Variants in PPARG observed in about 807,000 individuals in gnomAD.
PPARG encodes the protein peroxisome proliferator-activated receptor gamma.
PPARG carries 17 observed loss-of-function variants against 39.2 expected under a neutral mutation model. The observed-to-expected ratio is 0.43, with a 90% confidence interval of 0.30 to 0.65. The LOEUF (loss-of-function observed/expected upper bound fraction) is 0.65. PPARG is among the 30% of genes least tolerant of loss of function. The pLI, the probability that PPARG is intolerant of heterozygous loss-of-function variation, is 0.13. For missense variants in PPARG, 406 were observed against 585.9 expected (o/e 0.69, Z 3.17); for synonymous variants, 223 against 215.7 (o/e 1.03, Z -0.30).
intron 1 of PPARG, among the ~76,000 whole-genome samples, chr3:12,308,878 G>A (rs2047150194): frequency 6.6e-6 from 1 of 152,100 alleles, no homozygotes; most frequent in South Asian, 2.1e-4. Flanking sequence ...TAGAAAGGTA[G>A]GTGACAAAAA....
At chr3:12,380,807 G>A (rs1393855758) in intron 3 of PPARG, among the ~76,000 whole-genome samples, 4 of 152,072 alleles carry the variant, frequency 2.6e-5, no homozygotes, top group Non-Finnish European at 5.9e-5. Flanking sequence ...CACCTCCTTT[G>A]ACTGAACACT....
In PPARG at chr3:12,379,724, G is replaced by C. The variant is rs1246297562; in HGVS notation, c.13G>C (p.Glu5Gln). 1.2e-6 allele frequency: 2 copies of C among 1,613,996 alleles called. No homozygotes were observed. Among genetic ancestry groups the C allele is most frequent in the Non-Finnish European group, 1.7e-6 (2 of 1,179,902 alleles). ...TTCAGAAATGACCATGGTTGACACA[G>C]AGATGCCATTCTGGCCCACCAACTT... is the stretch of plus-strand genomic sequence containing the variant. MVDT[E>Q]MPFWPTNFGI... is the part of the protein sequence containing the mutation. The change falls in exon 3 of 8, where the codon GAG becomes CAG. Residue 5 changes from glutamate (E) to glutamine (Q), a missense_variant. Glu to Gln is a conservative substitution (Grantham distance 29). Coordinates refer to ENST00000651735, the MANE Select transcript of PPARG (RefSeq NM_138711.6).
In PPARG at chr3:12,434,278, A is replaced by T. The variant is rs1012044457; in HGVS notation, c.*133A>T. 33 of 1,155,772 alleles carry T rather than the reference A, an allele frequency of 2.9e-5. No individual in the cohort carries two copies. The highest frequency in any genetic ancestry group is 2.9e-5 in the Non-Finnish European group (23 of 801,920). The allele number at this position is 1,155,772 out of a possible 1,614,324, so 71.6% of individuals were successfully genotyped here. On this transcript the variant is annotated 3_prime_UTR_variant, in exon 8 of 8. Transcript: ENST00000651735. This position sits in a 1 kb window ranked among gnomAD's most constrained non-coding sequence, Gnocchi z 4.2. ...AAGGTTTTAGAATATGATCTATTTTATGCATATTGTTTATAAAGACACATT... is the reference window on the plus strand; with the variant it reads ...AAGGTTTTAGAATATGATCTATTTTTTGCATATTGTTTATAAAGACACATT...
chr3:12,390,766 G>A (rs541233003), intron 4 of PPARG, among the ~76,000 whole-genome samples: 51 of 149,224 alleles, frequency 3.4e-4, no homozygotes, highest in African/African-American at 1.1e-3. Context: ...CATCTCAGCC[G>A]CCAGAGTAGT....
At chr3:12,384,577 A>G (rs1288127858) in intron 4 of PPARG, among the ~76,000 whole-genome samples, 1 of 152,176 alleles carries the variant, frequency 6.6e-6, no homozygotes, top group Non-Finnish European at 1.5e-5. Flanking sequence ...TTCAGATGAT[A>G]TTGGTAGGAT....
rs1229013269 is a variant in PPARG, at chr3:12,357,417, T to C, written c.-8-22287T>C. ...CCAGGACCCTCTTCCTCTGGCATTC[T>C]CTGGGCCACCTCTGTCAATTCCCTA... On this transcript the variant is annotated intron_variant, in intron 2 of 7. Coordinates refer to ENST00000651735, the MANE Select transcript of PPARG (RefSeq NM_138711.6). Among the ~76,000 whole-genome samples the C allele has an allele frequency of 3.9e-5, 6 of 152,164 alleles. No individual in the cohort carries two copies. The East Asian group carries it at 9.6e-4, about 24-fold the overall frequency.
intron 2 of PPARG, among the ~76,000 whole-genome samples, chr3:12,363,761 TC>T (rs2048927783): frequency 1.3e-5 from 2 of 152,182 alleles, no homozygotes; most frequent in African/African-American, 4.8e-5. Flanking sequence ...TCCTCTCCTC[TC>T]CCCTATTTTC....
intron 1 of PPARG, among the ~76,000 whole-genome samples, chr3:12,299,366 A>G (rs1374663786): frequency 1.3e-5 from 2 of 152,162 alleles, no homozygotes; most frequent in Non-Finnish European, 2.9e-5. Context: ...ATTGCTAGGC[A>G]CCGTGGACTC....
At chr3:12,335,515 A>C (rs895487104) in intron 2 of PPARG, among the ~76,000 whole-genome samples, 1 of 152,318 alleles carries the variant, frequency 6.6e-6, no homozygotes, top group South Asian at 2.1e-4. Flanking sequence ...TGAAATACAC[A>C]AATTGACTAT....
chr3:12,333,808 C>G (rs1040059343), intron 2 of PPARG, among the ~76,000 whole-genome samples: 2 of 152,114 alleles, frequency 1.3e-5, no homozygotes, highest in Non-Finnish European at 2.9e-5. Flanking sequence ...TGTTGAGTGA[C>G]GCAGATAGGA....
intron 6 of PPARG, among the ~76,000 whole-genome samples, chr3:12,412,973 G>A (rs755891555): frequency 2.6e-5 from 4 of 152,088 alleles, no homozygotes; most frequent in East Asian, 3.8e-4. Context: ...AGAATGATAC[G>A]GCTCCTATAA....
intron 6 of PPARG, among the ~76,000 whole-genome samples, chr3:12,412,686 A>G (rs983899776): frequency 6.6e-6 from 1 of 152,204 alleles, no homozygotes; most frequent in Non-Finnish European, 1.5e-5. Flanking sequence ...ATGAAGCTTC[A>G]TGGGGCCCTT....
intron 2 of PPARG, among the ~76,000 whole-genome samples, chr3:12,362,003 A>G (rs1472924872): frequency 6.6e-6 from 1 of 152,052 alleles, no homozygotes; most frequent in Non-Finnish European, 1.5e-5. Flanking sequence ...TTTAAATAGT[A>G]TATTTGAGTT....
chr3:12,419,629 C>G (rs1004760274), intron 7 of PPARG, among the ~76,000 whole-genome samples: 3 of 151,872 alleles, frequency 2.0e-5, no homozygotes, highest in Non-Finnish European at 4.4e-5. Flanking sequence ...CCACTACACC[C>G]AGCTAATTTT....
At chr3:12,299,938 A>G (rs113487787) in intron 1 of PPARG, among the ~76,000 whole-genome samples, 1 of 152,320 alleles carries the variant, frequency 6.6e-6, no homozygotes, top group East Asian at 1.9e-4. Context: ...ATTACTTACT[A>G]TAGCTATTTT....
intron 5 of PPARG, among the ~76,000 whole-genome samples, chr3:12,396,181 G>A (rs2050252444): frequency 6.6e-6 from 1 of 151,828 alleles, no homozygotes; most frequent in South Asian, 2.1e-4. Flanking sequence ...GAGTACAATG[G>A]TACAATCTTG....
At chr3:12,343,929 C>T (rs2048257172) in intron 2 of PPARG, among the ~76,000 whole-genome samples, 1 of 146,948 alleles carries the variant, frequency 6.8e-6, no homozygotes, top group African/African-American at 2.6e-5. Context: ...GGGGCAAACT[C>T]GGCTCACTAC....
At chr3:12,429,552 CAA>C (rs753288907) in intron 7 of PPARG, among the ~76,000 whole-genome samples, 56 of 99,584 alleles carry the variant, frequency 5.6e-4, no homozygotes, top group East Asian at 1.1e-3. Context: ...CTGTCTCTAC[CAA>C]AAAAAAAAAA....
chr3:12,321,813 T>C (rs549678447), intron 2 of PPARG, among the ~76,000 whole-genome samples: 4 of 152,330 alleles, frequency 2.6e-5, no homozygotes, highest in African/African-American at 9.6e-5. Context: ...TTCATACTAT[T>C]GTTGATTCAA....
Sources: gnomAD v4.1 joint callset for allele counts (sites outside exome capture counted in the v4.1 genomes callset) on GRCh38, gnomAD v4.1.1 for gene constraint, Gnocchi (gnomAD v3.1) non-coding constraint, MANE v1.5 for transcripts, NCBI Gene and HGNC (gene_info 2026-07-23, HGNC 2026-07-21) for gene names.